GSK3B: variants seen among roughly 807,000 people sequenced by gnomAD.
The protein encoded by GSK3B is glycogen synthase kinase 3 beta, also known as glycogen synthase kinase-3 beta.
A neutral mutation model predicts 56.4 loss-of-function variants in GSK3B; 15 were observed. The observed-to-expected ratio is 0.27, with a 90% CI of 0.18 to 0.41. The LOEUF (loss-of-function observed/expected upper bound fraction) is 0.41, where lower values mean the gene tolerates loss of function less well. Among genes scored for constraint, GSK3B ranks in the 10% least tolerant of loss-of-function variants. GSK3B has a pLI of 1.00. For synonymous variants in GSK3B, 181 were observed against 188.9 expected (o/e 0.96, Z 0.34); for missense variants, 300 against 513.4 (o/e 0.58, Z 4.02).
At chr3:119,974,376 G>C (rs1315386386) in intron 2 of GSK3B, among the ~76,000 whole-genome samples, 1 of 152,044 alleles carries the variant, frequency 6.6e-6, no homozygotes, top group Admixed American at 6.6e-5. Flanking sequence ...TAGGAGGTAG[G>C]GCTGTTGGGA....
chr3:119,959,914 C>T lies in GSK3B; in HGVS notation c.283-12563G>A, dbSNP rs80175516. On this transcript the variant is annotated intron_variant, in intron 2 of 10. Transcript: ENST00000264235. ...TCAACCTTCAAAACTTACCCAGGAT[C>T]CCAGCAATTGCACTCTTGGGCATAT... is the stretch of plus-strand genomic sequence containing the variant. Among the ~76,000 whole-genome samples the T allele has an allele frequency of 2.6e-3, 393 of 152,084 alleles. 1 individual carries two copies. The highest frequency in any genetic ancestry group is 4.6e-3 in the Admixed American group (71 of 15,270).
intron 3 of GSK3B, among the ~76,000 whole-genome samples, chr3:119,934,353 A>G (rs2056974081): frequency 6.6e-6 from 1 of 152,184 alleles, no homozygotes; most frequent in African/African-American, 2.4e-5. Flanking sequence ...CTTGCCAAAA[A>G]CGTGTAACCC....
At chr3:119,882,819 T>C (rs1195442879) in intron 7 of GSK3B, among the ~76,000 whole-genome samples, 1 of 152,224 alleles carries the variant, frequency 6.6e-6, no homozygotes, top group African/African-American at 2.4e-5. Flanking sequence ...TGCATTTATT[T>C]CACCTGGGTT....
Position 119,872,473 on chromosome 3 carries a change from T to G in GSK3B, c.909+3940A>C, listed in dbSNP as rs79850387. ...AAATTTTCCTAAAGGCTATGAGGAA[T>G]CAGAGAAGAATTTTAAATAGGAGTG... On this transcript the variant is annotated intron_variant, in intron 8 of 10. Transcript: ENST00000264235. Among the ~76,000 whole-genome samples the G allele has an allele frequency of 9.7e-3, 1,473 of 152,242 alleles. 17 individuals carry two copies. The highest frequency in any genetic ancestry group is 0.017 in the Middle Eastern group (5 of 294).
intron 9 of GSK3B, 26 bp downstream of exon 9, chr3:119,863,393 T>TGAA (rs1559813247): frequency 6.3e-7 from 1 of 1,578,938 alleles, no homozygotes; most frequent in South Asian, 1.1e-5. Flanking sequence ...CTAGAACTGG[T>TGAA]GAAGAGGCTA....
chr3:120,090,925 T>C (rs2058507157), intron 1 of GSK3B, among the ~76,000 whole-genome samples: 2 of 152,180 alleles, frequency 1.3e-5, no homozygotes, highest in Admixed American at 1.3e-4. Flanking sequence ...ACTTGATTAT[T>C]GTCTCTCATG....
chr3:120,013,687 A>G (rs1404544979), intron 1 of GSK3B, among the ~76,000 whole-genome samples: 2 of 152,220 alleles, frequency 1.3e-5, no homozygotes, highest in Non-Finnish European at 2.9e-5. Flanking sequence ...CAATAGTATT[A>G]GCAGAGGGAA....
At chr3:119,881,910 A>G (rs1275066842) in intron 7 of GSK3B, among the ~76,000 whole-genome samples, 1 of 152,196 alleles carries the variant, frequency 6.6e-6, no homozygotes, top group Non-Finnish European at 1.5e-5. Context: ...TCCCTGCACA[A>G]GACAAGCTCT....
intron 2 of GSK3B, among the ~76,000 whole-genome samples, chr3:119,972,492 G>T (rs2057376765): frequency 6.6e-6 from 1 of 152,238 alleles, no homozygotes; most frequent in Non-Finnish European, 1.5e-5. Context: ...CTGGGGTACA[G>T]TGGTGCGATC....
intron 2 of GSK3B, among the ~76,000 whole-genome samples, chr3:119,968,842 A>G (rs1359174342): frequency 6.6e-6 from 1 of 152,242 alleles, no homozygotes; most frequent in East Asian, 1.9e-4. Context: ...GTTAGAACTA[A>G]TAAGCAATTA....
chr3:119,955,145 T>C (rs1037007373), intron 2 of GSK3B, among the ~76,000 whole-genome samples: 1 of 152,064 alleles, frequency 6.6e-6, no homozygotes, highest in Non-Finnish European at 1.5e-5. Context: ...TTATCCATCC[T>C]TAGTCATCAT....
chr3:119,999,560 A>G (rs142489087), intron 2 of GSK3B, among the ~76,000 whole-genome samples: 19 of 152,318 alleles, frequency 1.2e-4, no homozygotes, highest in Non-Finnish European at 2.8e-4. Flanking sequence ...CAAAAAATGG[A>G]ATGTGTGGGT....
chr3:119,894,520 C>T (rs2056541315), intron 7 of GSK3B, among the ~76,000 whole-genome samples: 1 of 152,070 alleles, frequency 6.6e-6, no homozygotes, highest in South Asian at 2.1e-4. Flanking sequence ...TGTTGAGCAT[C>T]TTTTTGTATG....
At chr3:119,954,308 A>ATAGAATAGAATAGAAAC in intron 2 of GSK3B, among the ~76,000 whole-genome samples, 1 of 125,154 alleles carries the variant, frequency 8.0e-6, no homozygotes, top group Non-Finnish European at 1.7e-5. Context: ...AGAATAGAAA[A>ATAGAATAGAATAGAAAC]GAAACAGAAC....
intron 2 of GSK3B, among the ~76,000 whole-genome samples, chr3:119,986,556 T>G (rs1296917533): frequency 6.6e-6 from 1 of 151,464 alleles, no homozygotes; most frequent in Non-Finnish European, 1.5e-5. Context: ...AGAAGACATC[T>G]ATGCAGCCAA....
At chr3:120,069,848 C>A (rs528566914) in intron 1 of GSK3B, among the ~76,000 whole-genome samples, 12 of 152,216 alleles carry the variant, frequency 7.9e-5, no homozygotes, top group African/African-American at 2.9e-4. Flanking sequence ...TTTCTTAATG[C>A]CCTATAAAAT....
At chr3:119,967,864 C>G (rs1165543978) in intron 2 of GSK3B, among the ~76,000 whole-genome samples, 1 of 135,032 alleles carries the variant, frequency 7.4e-6, no homozygotes, top group Admixed American at 7.6e-5. Context: ...CTCTCTCTCT[C>G]TCCTTTCTTT....
intron 1 of GSK3B, among the ~76,000 whole-genome samples, chr3:120,030,550 C>T (rs767316698): frequency 1.3e-5 from 2 of 152,212 alleles, no homozygotes; most frequent in East Asian, 3.8e-4. Context: ...TTCAGTCACA[C>T]TAGGCTTCTT....
chr3:119,858,791 T>C (rs2056057803), intron 9 of GSK3B, among the ~76,000 whole-genome samples: 1 of 152,160 alleles, frequency 6.6e-6, no homozygotes, highest in Non-Finnish European at 1.5e-5. Flanking sequence ...GACTCTGCCT[T>C]TCACTTGAAC....
Sources: allele counts gnomAD v4.1 joint callset (sites outside exome capture counted in the v4.1 genomes callset), GRCh38; gene constraint gnomAD v4.1.1; transcripts MANE v1.5; gene names NCBI Gene and HGNC (gene_info 2026-07-23, HGNC 2026-07-21).